TLE1: variants seen among roughly 807,000 people sequenced by gnomAD.
The protein encoded by TLE1 is transducin-like enhancer protein 1.
A neutral mutation model predicts 89.8 loss-of-function variants in TLE1; 21 were observed. That is an observed-to-expected ratio of 0.23 (90% confidence interval 0.17 to 0.34). The LOEUF (loss-of-function observed/expected upper bound fraction) is 0.34. TLE1 is among the 10% of genes least tolerant of loss of function. The pLI is 1.00. For missense variants in TLE1, 795 were observed against 1,031.2 expected, an observed-to-expected ratio of 0.77 and a Z score of 3.14; for synonymous variants, 447 against 407.6, an observed-to-expected ratio of 1.10 and a Z score of -1.16.
At chr9:81,602,132 T>C (rs1311944549) in intron 14 of TLE1, among the ~76,000 whole-genome samples, 1 of 152,132 alleles carries the variant, frequency 6.6e-6, no homozygotes, top group South Asian at 2.1e-4. Context: ...CAGAAAATAC[T>C]TCAACAGAAA....
intron 1 of TLE1, 141 bp downstream of exon 1, chr9:81,688,076 A>T (rs1296553916): frequency 2.0e-6 from 2 of 1,015,990 alleles, no homozygotes. Flanking sequence ...CCAGGAAGAG[A>T]GGGCCCCAGA....
intron 6 of TLE1, among the ~76,000 whole-genome samples, chr9:81,637,732 C>T (rs990515542): frequency 3.3e-5 from 5 of 149,404 alleles, no homozygotes; most frequent in Non-Finnish European, 7.4e-5. Context: ...CTGAAGATGT[C>T]GTGATTCTAG....
Position 81,616,714 on chromosome 9 carries a change from C to A in TLE1, c.712-15G>T, listed in dbSNP as rs1194582179. On this transcript the variant is annotated splice_polypyrimidine_tract_variant and intron_variant, in intron 9 of 19. Transcript: ENST00000376499. Reference sequence around the variant, plus strand: ...CCATCACTGTCCTGGAAAAAAGAAACATTAACGCCATTTACTAAAAGCTAA... The same window carrying A: ...CCATCACTGTCCTGGAAAAAAGAAAAATTAACGCCATTTACTAAAAGCTAA... 1 of 1,613,912 alleles carries A rather than the reference C, an allele frequency of 6.2e-7. No individual in the cohort carries two copies. The highest frequency in any genetic ancestry group is 1.1e-5 in the South Asian group (1 of 91,052).
chr9:81,600,216 C>T (rs138448561), intron 14 of TLE1: 15 of 644,964 alleles, frequency 2.3e-5, no homozygotes, highest in African/African-American at 3.6e-5. Flanking sequence ...TAAAAAATTC[C>T]AGCAAAGGAA....
chr9:81,656,249 T>C (rs1392752495), intron 4 of TLE1, among the ~76,000 whole-genome samples: 1 of 149,170 alleles, frequency 6.7e-6, no homozygotes, highest in East Asian at 1.9e-4. Context: ...ATGGCTCTCC[T>C]CGAAAGCATG....
At chr9:81,613,785 A>C (rs972525566) in intron 11 of TLE1, among the ~76,000 whole-genome samples, 1 of 152,088 alleles carries the variant, frequency 6.6e-6, no homozygotes, top group Non-Finnish European at 1.5e-5. Context: ...AGTATTTTCC[A>C]TCAGCCTTGT....
intron 2 of TLE1, among the ~76,000 whole-genome samples, chr9:81,687,111 T>G (rs574227692): frequency 4.6e-5 from 7 of 152,136 alleles, no homozygotes; most frequent in Admixed American, 3.9e-4. Flanking sequence ...CCTGGAACAG[T>G]GCAAACCGGC....
At chr9:81,637,014 A>C (rs1251583698) in intron 6 of TLE1, among the ~76,000 whole-genome samples, 3 of 148,986 alleles carry the variant, frequency 2.0e-5, no homozygotes, top group Non-Finnish European at 2.9e-5. Context: ...AAAAAAAAAA[A>C]AAGAAAAAAG....
At chr9:81,687,266 C>T (rs930397115) in intron 2 of TLE1, 68 bp downstream of exon 2, 2 of 1,378,026 alleles carry the variant, frequency 1.5e-6, no homozygotes, top group Non-Finnish European at 2.0e-6. Flanking sequence ...GGCGCCGCCG[C>T]CACCCGGCTG....
chr9:81,605,467 C>T (rs1017433982), intron 14 of TLE1, among the ~76,000 whole-genome samples: 2 of 152,130 alleles, frequency 1.3e-5, no homozygotes, highest in African/African-American at 4.8e-5. Context: ...GGTCTGTCAC[C>T]ATAAATAGTT....
intron 14 of TLE1, among the ~76,000 whole-genome samples, chr9:81,598,857 CAAGT>C (rs958851115): frequency 3.9e-5 from 6 of 152,310 alleles, no homozygotes; most frequent in African/African-American, 1.4e-4. Flanking sequence ...GGGCCCTTCC[CAAGT>C]AAGCTGTGGC....
chr9:81,651,166 C>T (rs796236538), intron 6 of TLE1, among the ~76,000 whole-genome samples: 7 of 152,286 alleles, frequency 4.6e-5, no homozygotes, highest in African/African-American at 1.7e-4. Context: ...ACTATAAAGA[C>T]CAGCAGGGCA....
intron 5 of TLE1, 46 bp downstream of exon 5, chr9:81,653,928 G>C: frequency 6.4e-7 from 1 of 1,567,650 alleles, no homozygotes; most frequent in Non-Finnish European, 8.8e-7. Flanking sequence ...TTTGCAAACA[G>C]AGAAGCAACA....
At chr9:81,592,983 C>T in intron 15 of TLE1, 42 bp downstream of exon 15, 1 of 1,587,260 alleles carries the variant, frequency 6.3e-7, no homozygotes, top group Non-Finnish European at 8.6e-7. Flanking sequence ...ATTGAATCTC[C>T]AGGGAGAAAT....
chr9:81,660,355 C>A (rs79238155), intron 4 of TLE1, among the ~76,000 whole-genome samples: 34 of 144,520 alleles, frequency 2.4e-4, no homozygotes, highest in South Asian at 1.1e-3. Flanking sequence ...AAAAAAAAAA[C>A]AAAATCATAC....
intron 4 of TLE1, among the ~76,000 whole-genome samples, chr9:81,677,435 G>A (rs1352068602): frequency 6.6e-6 from 1 of 151,288 alleles, no homozygotes; most frequent in Admixed American, 6.6e-5. Context: ...CATCGTGGCA[G>A]ACGCCTGTAA....
At chr9:81,652,408 G>T (rs1829669435) in intron 5 of TLE1, 120 bp from the exon 6 acceptor site, 1 of 701,570 alleles carries the variant, frequency 1.4e-6, no homozygotes, top group Non-Finnish European at 2.4e-6. Flanking sequence ...TTTAAATGCA[G>T]AATTTCTCAA....
intron 14 of TLE1, among the ~76,000 whole-genome samples, chr9:81,608,918 C>T (rs1227426732): frequency 6.7e-6 from 1 of 148,900 alleles, no homozygotes; most frequent in East Asian, 2.0e-4. Context: ...GCCTCGGCAA[C>T]GAGTGAAACT....
intron 4 of TLE1, among the ~76,000 whole-genome samples, chr9:81,670,659 A>C (rs1832094539): frequency 6.6e-6 from 1 of 150,714 alleles, no homozygotes; most frequent in South Asian, 2.1e-4. Flanking sequence ...ATTGTTACTT[A>C]TTCCTTATTA....
Sources: allele counts gnomAD v4.1 joint callset (sites outside exome capture counted in the v4.1 genomes callset), GRCh38; gene constraint gnomAD v4.1.1; transcripts MANE v1.5; gene names NCBI Gene and HGNC (gene_info 2026-07-23, HGNC 2026-07-21).